Variants in OGDH observed in about 807,000 individuals in gnomAD.
The protein encoded by OGDH is 2-oxoglutarate dehydrogenase complex component E1.
Under a neutral mutation model 116.6 loss-of-function variants are expected in OGDH, and 38 were observed. The ratio of observed to expected loss-of-function variants is 0.33; its 90% confidence interval spans 0.25 to 0.43. The LOEUF (loss-of-function observed/expected upper bound fraction) is 0.43, where lower values mean the gene tolerates loss of function less well. Among genes scored for constraint, OGDH ranks in the 20% least tolerant of loss-of-function variants. The pLI, the probability that OGDH is intolerant of heterozygous loss-of-function variation, is 1.00. For synonymous variants in OGDH, 488 were observed against 533.3 expected (o/e 0.92, Z 1.17); for missense variants, 825 against 1,357.2 (o/e 0.61, Z 6.16).
chr7:44,698,838 C>G (rs1352726101), intron 18 of OGDH, among the ~76,000 whole-genome samples: 5 of 139,170 alleles, frequency 3.6e-5, no homozygotes, highest in African/African-American at 1.4e-4. Context: ...AATACCCTGT[C>G]TTAAAAAAAA....
intron 5 of OGDH, among the ~76,000 whole-genome samples, chr7:44,668,177 G>A (rs985837355): frequency 5.3e-5 from 8 of 152,030 alleles, no homozygotes; most frequent in African/African-American, 1.4e-4. Flanking sequence ...AGTGTCTCAC[G>A]CCTATAGTCC....
Position 44,675,975 on chromosome 7 carries a change from C to T in OGDH, c.1032C>T (p.Ser344=), listed in dbSNP as rs149447664. The change falls in exon 9 of 23, where the codon TCC becomes TCT. Residue 344 remains serine, a synonymous_variant. Transcript: ENST00000222673. ...TTCACTGTTTACCCCATCAGGGCTC[C>T]GGAGATGTGAAGTACCACCTGGGCA... is the stretch of plus-strand genomic sequence containing the variant. The part of the protein sequence containing the change: ...DSKLEAADEG[S]GDVKYHLGMY... 1.2e-4 allele frequency: 186 copies of T among 1,613,718 alleles called. No individual in the cohort carries two copies. The highest frequency in any genetic ancestry group is 2.5e-4 in the East Asian group (11 of 44,870).
intron 12 of OGDH, among the ~76,000 whole-genome samples, chr7:44,695,334 G>T (rs1023704252): frequency 7.9e-5 from 12 of 152,070 alleles, no homozygotes; most frequent in African/African-American, 2.9e-4. Context: ...GACCTCAAGT[G>T]ATCTGCCTGT....
chr7:44,637,038 G>T (rs936107481), intron 2 of OGDH, among the ~76,000 whole-genome samples: 1 of 152,094 alleles, frequency 6.6e-6, no homozygotes, highest in South Asian at 2.1e-4. Context: ...TCTTGGGGGT[G>T]GTTAGTGGTT....
intron 14 of OGDH, 124 bp from the exon 15 acceptor site, chr7:44,696,790 G>C (rs1336178269): frequency 7.6e-7 from 1 of 1,321,460 alleles, no homozygotes; most frequent in Non-Finnish European, 1.0e-6. Flanking sequence ...AGCTTTTCCA[G>C]CAAGTCAGGA....
chr7:44,620,684 C>T (rs1221089743), intron 1 of OGDH, among the ~76,000 whole-genome samples: 1 of 151,982 alleles, frequency 6.6e-6, no homozygotes, highest in African/African-American at 2.4e-5. Flanking sequence ...ACATGTGGCC[C>T]AGGACAGCTT....
At position 44,639,193 on chromosome 7, in the gene OGDH, G is replaced by C. The variant is rs116628827; in HGVS notation, c.223-6134G>C. ...GTTATGGAAGGCAGATCCAGATTCA[G>C]GTGTTCAGAGGATGAGGCAGGGGTG... On this transcript the variant is annotated intron_variant, in intron 2 of 22. Transcript: ENST00000222673. Among the ~76,000 whole-genome samples, 892 of 152,346 alleles carry C rather than the reference G, an allele frequency of 5.9e-3. 9 individuals are homozygous for C. The highest frequency in any genetic ancestry group is 0.02 in the African/African-American group (843 of 41,570).
At chr7:44,607,568 G>A (rs142059572) in intron 1 of OGDH, among the ~76,000 whole-genome samples, 17 of 152,258 alleles carry the variant, frequency 1.1e-4, no homozygotes, top group Admixed American at 5.2e-4. Flanking sequence ...TTTTTGTAAG[G>A]CAGCACTAGT....
chr7:44,697,313 G>GC lies in OGDH; in HGVS notation c.2052-56dup. The GC allele has an allele frequency of 6.2e-7, 1 of 1,608,392 alleles. No homozygotes were observed. The highest frequency in any genetic ancestry group is 8.5e-7 in the Non-Finnish European group (1 of 1,176,130). ...TGCTGGTGCTTCGTGCGGGTCCCCA[G>GC]CGTATTTGCTTGTCAAGTCAGAGCT... On this transcript the variant is annotated intron_variant, in intron 15 of 22. Coordinates refer to ENST00000222673, the MANE Select transcript of OGDH (RefSeq NM_002541.4). The surrounding 1 kb of genome is among the most constrained non-coding windows in gnomAD (Gnocchi z 6.0).
intron 5 of OGDH, among the ~76,000 whole-genome samples, chr7:44,672,360 G>A (rs1039251210): frequency 1.3e-5 from 2 of 152,112 alleles, no homozygotes; most frequent in Non-Finnish European, 2.9e-5. Context: ...TGTCTGTTGT[G>A]AAAACCAAGT....
At position 44,707,846 on chromosome 7, in the gene OGDH, C is replaced by T. The variant is rs1001223460; in HGVS notation, c.2952-33C>T. 1.2e-6 allele frequency: 2 copies of T among 1,609,268 alleles called. No individual in the cohort carries two copies. The highest frequency in any genetic ancestry group is 1.3e-5 in the African/African-American group (1 of 75,022). ...ATGGGCTGGGCCAACTCAGTGTCCC[C>T]TGCCCTCACTGCCCCCTCCCTCCAT... is the stretch of plus-strand genomic sequence containing the variant. On this transcript the variant is annotated intron_variant, in intron 22 of 22. Coordinates refer to ENST00000222673, the MANE Select transcript of OGDH (RefSeq NM_002541.4). This position sits in a 1 kb window ranked among gnomAD's most constrained non-coding sequence, Gnocchi z 5.2.
At chr7:44,665,941 A>G (rs1365612186) in intron 4 of OGDH, among the ~76,000 whole-genome samples, 2 of 152,206 alleles carry the variant, frequency 1.3e-5, no homozygotes, top group Non-Finnish European at 2.9e-5. Flanking sequence ...TCAGACTGAG[A>G]TGCACTTTCA....
intron 9 of OGDH, 70 bp downstream of exon 9, chr7:44,676,219 C>T: frequency 6.2e-7 from 1 of 1,613,238 alleles, no homozygotes; most frequent in Non-Finnish European, 8.5e-7. Context: ...GTTCCGCTCA[C>T]CAACATAACC....
In OGDH at chr7:44,621,901, G is replaced by T. The variant is rs185891268; in HGVS notation, c.-27-2416G>T. Among the ~76,000 whole-genome samples, 179 of 152,122 alleles carry T rather than the reference G, an allele frequency of 1.2e-3. 1 individual carries two copies. The highest frequency in any genetic ancestry group is 4.2e-3 in the African/African-American group (173 of 41,524). On this transcript the variant is annotated intron_variant, in intron 1 of 22. Transcript: ENST00000222673. Reference sequence around the variant, plus strand: ...AAAAAAATCTCCAGCTGTTGTGGCAGCTCTGCTGGGCAGCACTTAACTATG... The same window carrying T: ...AAAAAAATCTCCAGCTGTTGTGGCATCTCTGCTGGGCAGCACTTAACTATG...
chr7:44,618,164 T>C lies in OGDH; in HGVS notation c.-27-6153T>C, dbSNP rs995354465. On this transcript the variant is annotated intron_variant, in intron 1 of 22. Transcript: ENST00000222673. ...TTTTTGCATCTTGAAATTAATGGATTACAACTTGTATCATTTTTGTGTACA... is the reference window on the plus strand; with the variant it reads ...TTTTTGCATCTTGAAATTAATGGATCACAACTTGTATCATTTTTGTGTACA... Among the ~76,000 whole-genome samples the C allele has an allele frequency of 2.6e-5, 4 of 152,228 alleles. No homozygotes were observed. In the South Asian group the frequency reaches 6.2e-4, roughly 24 times the overall value.
chr7:44,632,861 G>A (rs374826406), intron 2 of OGDH, among the ~76,000 whole-genome samples: 12 of 151,760 alleles, frequency 7.9e-5, no homozygotes, highest in Middle Eastern at 6.8e-3. Flanking sequence ...CTCATGATCC[G>A]CCTGGTGGAT....
In OGDH at chr7:44,630,665, C is replaced by T. The variant is rs531904028; in HGVS notation, c.222+6100C>T. 3.9e-5 allele frequency among the ~76,000 whole-genome samples: 6 copies of T among 152,168 alleles called. No homozygotes were observed. In the South Asian group the frequency reaches 1.2e-3, roughly 31 times the overall value. On this transcript the variant is annotated intron_variant, in intron 2 of 22. Transcript: ENST00000222673. ...TATAAAATGAAATATAAACTATGCACGTTCTCCCATATACTTTAAATCATC... is the reference window on the plus strand; with the variant it reads ...TATAAAATGAAATATAAACTATGCATGTTCTCCCATATACTTTAAATCATC...
At position 44,665,856 on chromosome 7, in the gene OGDH, G is replaced by A. The variant is rs570593326; in HGVS notation, c.518-880G>A. Among the ~76,000 whole-genome samples, 11 of 152,354 alleles carry A rather than the reference G, an allele frequency of 7.2e-5. No individual in the cohort carries two copies. In the East Asian group the frequency reaches 1.2e-3, roughly 16 times the overall value. On this transcript the variant is annotated intron_variant, in intron 4 of 22. Transcript: ENST00000222673. ...AAAGAATGTATGGTGTCATTTGACA[G>A]TCTTCCTCTTTGATACAGCAAGATG... is the stretch of plus-strand genomic sequence containing the variant.
chr7:44,675,751 C>T (rs1787664270), intron 8 of OGDH, among the ~76,000 whole-genome samples: 5 of 151,862 alleles, frequency 3.3e-5, no homozygotes, highest in Admixed American at 3.3e-4. Context: ...GTGGCGCATG[C>T]CTGTAATCCC....
Sources: allele counts gnomAD v4.1 joint callset (sites outside exome capture counted in the v4.1 genomes callset), GRCh38; gene constraint gnomAD v4.1.1; non-coding constraint Gnocchi (gnomAD v3.1); transcripts MANE v1.5; gene names NCBI Gene and HGNC (gene_info 2026-07-23, HGNC 2026-07-21).